The following C1QTNF3 variants were observed in gnomAD, a reference collection of about 807,000 sequenced individuals.
C1QTNF3 encodes the protein complement C1q tumor necrosis factor-related protein 3.
In C1QTNF3, 26 loss-of-function variants were observed where a neutral mutation model predicts 32.6. That is an observed-to-expected ratio of 0.80 (90% CI 0.58 to 1.11). The LOEUF is 1.11. C1QTNF3 is among the 50% of genes least tolerant of loss of function. The pLI is 0.00. For missense variants in C1QTNF3, 362 were observed against 398.2 expected, an observed-to-expected ratio of 0.91 and a Z score of 0.77; for synonymous variants, 155 against 146.0, an observed-to-expected ratio of 1.06 and a Z score of -0.44.
chr5:34,060,383 A>G, the C1QTNF3 span, among the ~76,000 whole-genome samples: 1 of 152,210 alleles, frequency 6.6e-6, no homozygotes, highest in Non-Finnish European at 1.5e-5. Flanking sequence ...AGGTTACTGT[A>G]GTGAAGATCA....
chr5:34,220,556 T>C, the C1QTNF3 span, among the ~76,000 whole-genome samples: 3 of 151,794 alleles, frequency 2.0e-5, no homozygotes, highest in Admixed American at 6.6e-5. Flanking sequence ...CACGACTGCA[T>C]TGAAATACTT....
At chr5:34,137,832 A>C in the C1QTNF3 span, among the ~76,000 whole-genome samples, 1 of 152,196 alleles carries the variant, frequency 6.6e-6, no homozygotes, top group Non-Finnish European at 1.5e-5. Flanking sequence ...CTTTGCTAGA[A>C]AAAGAATTCA....
chr5:34,041,165 AGAAG>A (rs1754864315), intron 1 of C1QTNF3, among the ~76,000 whole-genome samples: 1 of 152,250 alleles, frequency 6.6e-6, no homozygotes, highest in South Asian at 2.1e-4. Flanking sequence ...AAGTAGGGAA[AGAAG>A]GAAGAACATA....
At chr5:34,191,415 C>T in the C1QTNF3 span, 1 of 711,242 alleles carries the variant, frequency 1.4e-6, no homozygotes, top group Non-Finnish European at 2.6e-6. Context: ...GCCAGCTGGC[C>T]CACAGTTCCT....
intron 4 of C1QTNF3, among the ~76,000 whole-genome samples, chr5:34,026,137 G>A (rs758925054): frequency 1.1e-4 from 16 of 152,156 alleles, no homozygotes; most frequent in Non-Finnish European, 2.1e-4. Context: ...GTTCTGCAAC[G>A]CTAGGAGACT....
At chr5:34,028,130 G>A (rs1030239473) in intron 4 of C1QTNF3, among the ~76,000 whole-genome samples, 36 of 152,176 alleles carry the variant, frequency 2.4e-4, no homozygotes, top group African/African-American at 8.7e-4. Context: ...CCGCCACCAC[G>A]CCCGGCTAAT....
the C1QTNF3 span, chr5:34,176,057 C>T: frequency 1.6e-6 from 1 of 613,840 alleles, no homozygotes; most frequent in Non-Finnish European, 2.9e-6. Context: ...TCTGTCCTCA[C>T]TGGGGGCTGT....
chr5:34,211,392 A>AC, the C1QTNF3 span, among the ~76,000 whole-genome samples: 4 of 151,070 alleles, frequency 2.6e-5, no homozygotes, highest in African/African-American at 9.7e-5. Context: ...ATGTGTGTAT[A>AC]CCCCCTTTTT....
chr5:34,037,770 A>G (rs1754775881), intron 1 of C1QTNF3, among the ~76,000 whole-genome samples: 1 of 152,150 alleles, frequency 6.6e-6, no homozygotes, highest in Admixed American at 6.5e-5. Flanking sequence ...CATCTCAGGG[A>G]TTTTATCTGA....
the C1QTNF3 span, among the ~76,000 whole-genome samples, chr5:34,071,995 T>C: frequency 1.3e-5 from 2 of 151,504 alleles, no homozygotes; most frequent in South Asian, 4.2e-4. Context: ...GTCTTCAATC[T>C]TGATTTGGAA....
chr5:34,153,748 C>G, the C1QTNF3 span, among the ~76,000 whole-genome samples: 1 of 102,960 alleles, frequency 9.7e-6, no homozygotes, highest in Admixed American at 1.0e-4. Flanking sequence ...GGAGATATAC[C>G]TAATGCTAGA....
At chr5:34,052,137 T>TA in the C1QTNF3 span, among the ~76,000 whole-genome samples, 10 of 151,428 alleles carry the variant, frequency 6.6e-5, no homozygotes, top group Non-Finnish European at 1.2e-4. Context: ...GACCGCGTCT[T>TA]AAAAAAAAAT....
chr5:34,145,694 A>G, the C1QTNF3 span, among the ~76,000 whole-genome samples: 1 of 151,708 alleles, frequency 6.6e-6, no homozygotes, highest in East Asian at 1.9e-4. Flanking sequence ...AAAAAAAAAA[A>G]AAAATCAAAA....
At chr5:34,224,364 A>G in the C1QTNF3 span, among the ~76,000 whole-genome samples, 1 of 151,628 alleles carries the variant, frequency 6.6e-6, no homozygotes, top group African/African-American at 2.4e-5. Flanking sequence ...AGCCAAAAGA[A>G]CAAAGCTGGA....
the C1QTNF3 span, among the ~76,000 whole-genome samples, chr5:34,117,986 C>CAAG: frequency 6.6e-6 from 1 of 152,100 alleles, no homozygotes; most frequent in South Asian, 2.1e-4. Flanking sequence ...AATTATACTT[C>CAAG]ATCTTATATT....
the C1QTNF3 span, among the ~76,000 whole-genome samples, chr5:34,132,435 G>GTGTATATATATATATATA: frequency 7.3e-6 from 1 of 137,724 alleles, no homozygotes; most frequent in African/African-American, 2.9e-5. Flanking sequence ...GTATGTGTAT[G>GTGTATATATATATATATA]TATATATATA....
the C1QTNF3 span, among the ~76,000 whole-genome samples, chr5:34,243,528 C>T: frequency 6.6e-6 from 1 of 152,192 alleles, no homozygotes; most frequent in African/African-American, 2.4e-5. Flanking sequence ...TGTTCATCAG[C>T]ATGTTATTCA....
chr5:34,127,742 C>G, the C1QTNF3 span, among the ~76,000 whole-genome samples: 79,018 of 151,324 alleles, frequency 0.52, 21,877 homozygotes, highest in Non-Finnish European at 0.61. Context: ...CATGCACCAC[C>G]ACGCCCTGAC....
the C1QTNF3 span, among the ~76,000 whole-genome samples, chr5:34,137,452 C>T: frequency 6.6e-6 from 1 of 152,126 alleles, no homozygotes; most frequent in Admixed American, 6.6e-5. Context: ...TGTGTGAAGT[C>T]CTCTCTCCTA....
Sources: allele counts gnomAD v4.1 joint callset (sites outside exome capture counted in the v4.1 genomes callset), GRCh38; gene constraint gnomAD v4.1.1; transcripts MANE v1.5; gene names NCBI Gene and HGNC (gene_info 2026-07-23, HGNC 2026-07-21).